Variants in CELF6 observed in about 807,000 individuals in gnomAD.
CELF6 encodes Bruno -like 6, RNA binding protein.
A neutral mutation model predicts 53.1 loss-of-function variants in CELF6; 32 were observed. That is an observed-to-expected ratio of 0.60 (90% CI 0.46 to 0.81). CELF6 has a LOEUF of 0.81. Ranked by LOEUF, CELF6 falls within the 30% of genes least tolerant of loss-of-function variation. The pLI, the probability that CELF6 is intolerant of heterozygous loss-of-function variation, is 0.00. For missense variants in CELF6, 539 were observed against 669.5 expected, an observed-to-expected ratio of 0.81 and a Z score of 2.15; for synonymous variants, 291 against 288.8, an observed-to-expected ratio of 1.01 and a Z score of -0.08.
intron 2 of CELF6, among the ~76,000 whole-genome samples, chr15:72,307,161 C>G (rs550041024): frequency 2.6e-4 from 40 of 152,250 alleles, no homozygotes; most frequent in African/African-American, 9.4e-4. Context: ...GACGAGCACA[C>G]GTGACAGCAG....
Position 72,318,177 on chromosome 15 carries a change from G to T in CELF6, c.262+1436C>A, listed in dbSNP as rs185431413. On this transcript the variant is annotated intron_variant, in intron 1 of 12. Coordinates refer to ENST00000287202, the MANE Select transcript of CELF6 (RefSeq NM_052840.5). ...GTGGGAGTGCATTAGAAGGACTCTA[G>T]ATGGTGAGGTATTGTCCTTTCATAC... 4.3e-4 allele frequency among the ~76,000 whole-genome samples: 65 copies of T among 152,284 alleles called. No homozygotes were observed. In the East Asian group the frequency reaches 0.012, roughly 27 times the overall value.
At chr15:72,287,635 T>A (rs184406722) in intron 11 of CELF6, among the ~76,000 whole-genome samples, 1 of 152,200 alleles carries the variant, frequency 6.6e-6, no homozygotes, top group Non-Finnish European at 1.5e-5. Context: ...TTTGGATGTT[T>A]CCGTGTTTTT....
At chr15:72,291,757 T>C (rs946328409) in intron 3 of CELF6, among the ~76,000 whole-genome samples, 2 of 152,102 alleles carry the variant, frequency 1.3e-5, no homozygotes, top group Non-Finnish European at 2.9e-5. Flanking sequence ...GCTATGTCTG[T>C]GTGGAGGGCA....
intron 2 of CELF6, among the ~76,000 whole-genome samples, chr15:72,311,479 T>A (rs1387936175): frequency 1.3e-5 from 2 of 151,268 alleles, no homozygotes; most frequent in East Asian, 3.9e-4. Context: ...CTTGGCTCAC[T>A]GCAAGCTCCG....
chr15:72,310,925 T>G (rs193146780), intron 2 of CELF6, among the ~76,000 whole-genome samples: 1 of 152,306 alleles, frequency 6.6e-6, no homozygotes, highest in Admixed American at 6.5e-5. Context: ...CTTCCACTGC[T>G]GCCCAACATG....
intron 2 of CELF6, 30 bp downstream of exon 2, chr15:72,315,814 TG>T: frequency 6.7e-7 from 1 of 1,492,368 alleles, no homozygotes; most frequent in South Asian, 1.2e-5. Context: ...CAGCCTGAGG[TG>T]ATTCCCACCC....
At chr15:72,308,980 C>T (rs774490458) in intron 2 of CELF6, among the ~76,000 whole-genome samples, 4 of 152,158 alleles carry the variant, frequency 2.6e-5, no homozygotes, top group Non-Finnish European at 5.9e-5. Flanking sequence ...GTGGCGCCAT[C>T]ATAGCTCACT....
At position 72,288,489 on chromosome 15, in the gene CELF6, C is replaced by G. The variant is rs371909592; in HGVS notation, c.1175-38G>C. 3.1e-5 allele frequency: 50 copies of G among 1,613,808 alleles called. No homozygotes were observed. The highest frequency in any genetic ancestry group is 4.0e-5 in the Non-Finnish European group (47 of 1,179,816). Reference sequence around the variant, plus strand: ...TAGCAAGCTGGTTCAGGGGAAGGACCCTGAGTCCAGCCCCACCAGGTTCTG... The same window carrying G: ...TAGCAAGCTGGTTCAGGGGAAGGACGCTGAGTCCAGCCCCACCAGGTTCTG... On this transcript the variant is annotated intron_variant, in intron 10 of 12. Transcript: ENST00000287202. This position sits in a 1 kb window ranked among gnomAD's most constrained non-coding sequence, Gnocchi z 4.6.
At chr15:72,310,386 T>C (rs1411352778) in intron 2 of CELF6, among the ~76,000 whole-genome samples, 2 of 152,006 alleles carry the variant, frequency 1.3e-5, no homozygotes, top group Non-Finnish European at 2.9e-5. Context: ...CCTAAACAGC[T>C]CTGAAATCTA....
At chr15:72,299,814 A>G (rs141584171) in intron 3 of CELF6, among the ~76,000 whole-genome samples, 1 of 152,316 alleles carries the variant, frequency 6.6e-6, no homozygotes, top group East Asian at 1.9e-4. Context: ...GGAGTATAGG[A>G]ACAGCGTGGA....
chr15:72,318,361 C>A (rs891016733), intron 1 of CELF6, among the ~76,000 whole-genome samples: 1 of 152,192 alleles, frequency 6.6e-6, no homozygotes, highest in African/African-American at 2.4e-5. Context: ...TTCCAGCTCT[C>A]AGTCCTTAGG....
At chr15:72,307,760 G>A (rs909170880) in intron 2 of CELF6, among the ~76,000 whole-genome samples, 3 of 152,206 alleles carry the variant, frequency 2.0e-5, no homozygotes, top group South Asian at 2.1e-4. Context: ...CCAGGGCCTC[G>A]GGGGAGTGCA....
chr15:72,312,369 G>A (rs1298657515), intron 2 of CELF6, among the ~76,000 whole-genome samples: 5 of 152,222 alleles, frequency 3.3e-5, no homozygotes, highest in Non-Finnish European at 5.9e-5. Flanking sequence ...GCTCACGCCT[G>A]TAATCCTAGC....
chr15:72,316,646 C>T (rs113534890), intron 1 of CELF6, among the ~76,000 whole-genome samples: 7 of 152,234 alleles, frequency 4.6e-5, no homozygotes, highest in African/African-American at 1.2e-4. Flanking sequence ...TATGGGTCAG[C>T]GAAGAGGTCT....
At chr15:72,287,173 C>T in intron 12 of CELF6, 64 bp downstream of exon 12, 1 of 1,474,404 alleles carries the variant, frequency 6.8e-7, no homozygotes, top group African/African-American at 1.4e-5. Context: ...AAAAGGAGGA[C>T]CATCAAAGCT....
rs547263109 is a variant in CELF6 at position 72,317,506 on chromosome 15, A to G, written c.263-1579T>C. On this transcript the variant is annotated intron_variant, in intron 1 of 12. Transcript: ENST00000287202. ...TCAACAGGGAAACTGAAGCCCAGAGAGTGGGTCAGTGGCAGGGCAGGATTT... is the reference window on the plus strand; with the variant it reads ...TCAACAGGGAAACTGAAGCCCAGAGGGTGGGTCAGTGGCAGGGCAGGATTT... Among the ~76,000 whole-genome samples, 128 of 152,310 alleles carry G rather than the reference A, an allele frequency of 8.4e-4. 1 individual carries two copies. Among genetic ancestry groups the G allele is most frequent in the African/African-American group, 2.9e-3 (121 of 41,572 alleles).
In CELF6 at chr15:72,289,660, C is replaced by T. The variant is rs1013857714; in HGVS notation, c.714G>A (p.Leu238=). The T allele has an allele frequency of 6.7e-7, 1 of 1,501,180 alleles. No individual in the cohort carries two copies. Among genetic ancestry groups the T allele is most frequent in the Non-Finnish European group, 8.8e-7 (1 of 1,134,158 alleles). The allele number at this position is 1,501,180 out of a possible 1,614,324, so 93.0% of individuals were successfully genotyped here. ...GHLGAFHPAP[L]PLGACGAYTT... ...TGTAGGCGCCGCAGGCCCCTAGCGG[C>T]AGTGGCGCGGGGTGGAAGGCGCCCA... Residue 238 remains leucine, a synonymous_variant, in exon 6 of 13, where the codon CTG becomes CTA. Transcript: ENST00000287202. The surrounding 1 kb of genome is among the most constrained non-coding windows in gnomAD (Gnocchi z 7.6).
chr15:72,288,957 C>T lies in CELF6; in HGVS notation c.1031-27G>A. The T allele has an allele frequency of 6.5e-7, 1 of 1,545,346 alleles. No homozygotes were observed. Among genetic ancestry groups the T allele is most frequent in the South Asian group, 1.2e-5 (1 of 83,834 alleles). ...TGGGGAGAGAGGGGCGCGAGGCCCA[C>T]AGTGAAGGCAAGCGGGCGAGCAGAG... On this transcript the variant is annotated intron_variant, in intron 8 of 12. Transcript: ENST00000287202. The surrounding 1 kb of genome is among the most constrained non-coding windows in gnomAD (Gnocchi z 4.6).
intron 3 of CELF6, among the ~76,000 whole-genome samples, chr15:72,298,078 T>G (rs1253173928): frequency 6.6e-6 from 1 of 152,216 alleles, no homozygotes; most frequent in South Asian, 2.1e-4. Flanking sequence ...CAACTGACTG[T>G]GACAGAACAG....
Sources: allele counts gnomAD v4.1 joint callset (sites outside exome capture counted in the v4.1 genomes callset), GRCh38; gene constraint gnomAD v4.1.1; non-coding constraint Gnocchi (gnomAD v3.1); transcripts MANE v1.5; gene names NCBI Gene and HGNC (gene_info 2026-07-23, HGNC 2026-07-21).